Variants in STK24 observed in about 807,000 individuals in gnomAD.
STK24 encodes the protein serine/threonine-protein kinase 24.
A neutral mutation model predicts 55.6 loss-of-function variants in STK24; 21 were observed. The observed-to-expected ratio is 0.38, with a 90% CI of 0.27 to 0.54. STK24 has a LOEUF of 0.54. Ranked by LOEUF, STK24 falls within the 20% of genes least tolerant of loss-of-function variation. The pLI is 0.79. For synonymous variants in STK24, 200 were observed against 215.2 expected, an observed-to-expected ratio of 0.93 and a Z score of 0.62; for missense variants, 383 against 538.4, an observed-to-expected ratio of 0.71 and a Z score of 2.86.
At position 98,445,418 on chromosome 13, in the gene STK24, C is replaced by G. The variant is rs548712696; in HGVS notation, c.*7755G>C. 1 of 152,198 alleles carries G rather than the reference C, an allele frequency of 6.6e-6. No homozygotes were observed. Among genetic ancestry groups the G allele is most frequent in the East Asian group, 1.9e-4 (1 of 5,190 alleles). 9.4% of individuals were successfully genotyped at this position (152,198 alleles called of 1,614,324 possible). A position where few individuals can be genotyped will look rare whatever the true frequency, so the allele number is the denominator to read the frequency against. ...TGGACACAGGTGCCTGTCCCTGCCC[C>G]CTAGCTGGGCTGCAGCGCATCCTAA... On this transcript the variant is annotated 3_prime_UTR_variant, in exon 11 of 11. Coordinates refer to ENST00000539966, the MANE Select transcript of STK24 (RefSeq NM_001032296.4).
At position 98,446,171 on chromosome 13, in the gene STK24, C is replaced by T. The variant is rs951847519; in HGVS notation, c.*7002G>A. On this transcript the variant is annotated 3_prime_UTR_variant, in exon 11 of 11. Coordinates refer to ENST00000539966, the MANE Select transcript of STK24 (RefSeq NM_001032296.4). ...TGGCAGAAGCTGTGGGTGGTGTTCA[C>T]AAACTTCTGCCTGTTCTTCTACAAA... The T allele has an allele frequency of 1.9e-6, 3 of 1,613,740 alleles. No homozygotes were observed. Among genetic ancestry groups the T allele is most frequent in the African/African-American group, 1.3e-5 (1 of 75,066 alleles).
In STK24 at chr13:98,445,782, T is replaced by A; in HGVS notation, c.*7391A>T. On this transcript the variant is annotated 3_prime_UTR_variant, in exon 11 of 11. Transcript: ENST00000539966. ...CACCCTACCCCAGTGTGATCTCGTC[T>A]TCACTAGTTACCCTGCAACGAGCCT... The A allele has an allele frequency of 4.3e-6, 1 of 230,268 alleles. No homozygotes were observed. Among genetic ancestry groups the A allele is most frequent in the African/African-American group, 2.3e-5 (1 of 43,572 alleles). The allele number at this position is 230,268 out of a possible 1,614,324, so 14.3% of individuals were successfully genotyped here.
intron 2 of STK24, among the ~76,000 whole-genome samples, chr13:98,516,925 T>TA (rs1312136842): frequency 6.6e-6 from 1 of 152,190 alleles, no homozygotes; most frequent in Non-Finnish European, 1.5e-5. Context: ...GTTCTAGCAT[T>TA]AGCAGCTCAG....
intron 3 of STK24, among the ~76,000 whole-genome samples, chr13:98,481,709 G>T (rs1894588172): frequency 6.6e-6 from 1 of 151,902 alleles, no homozygotes; most frequent in Non-Finnish European, 1.5e-5. Flanking sequence ...TTCCTTCTAT[G>T]AATACATTTA....
chr13:98,547,444 A>AG (rs1216134068), intron 1 of STK24, among the ~76,000 whole-genome samples: 2 of 152,128 alleles, frequency 1.3e-5, no homozygotes, highest in Admixed American at 6.5e-5. Flanking sequence ...GCTACTCGGG[A>AG]GGCTGTGGCG....
rs1447260255 is a variant in STK24, at chr13:98,448,367, CCTTT to C, written c.*4802_*4805del. The stretch of plus-strand genomic sequence containing the variant: ...GTGGCTGCTTTCCTGGAAGACGTTT[CCTTT>C]CTTCTGTATTAATGAAGCCTGGTAA... On this transcript the variant is annotated 3_prime_UTR_variant, in exon 11 of 11. Transcript: ENST00000539966. The C allele has an allele frequency of 7.1e-7, 1 of 1,398,868 alleles. No individual in the cohort carries two copies. The allele number at this position is 1,398,868 out of a possible 1,614,324, so 86.7% of individuals were successfully genotyped here.
chr13:98,447,451 A>G lies in STK24; in HGVS notation c.*5722T>C, dbSNP rs1228712402. The stretch of plus-strand genomic sequence containing the variant: ...GGTTGATCAAAGTTGGGATTTTGCT[A>G]TTATTGTGACAAAGGGTCCAGCCTT... On this transcript the variant is annotated 3_prime_UTR_variant, in exon 11 of 11. Coordinates refer to ENST00000539966, the MANE Select transcript of STK24 (RefSeq NM_001032296.4). 1 of 152,496 alleles carries G rather than the reference A, an allele frequency of 6.6e-6. No individual in the cohort carries two copies. Among genetic ancestry groups the G allele is most frequent in the African/African-American group, 2.4e-5 (1 of 41,442 alleles). 9.4% of individuals were successfully genotyped at this position (152,496 alleles called of 1,614,324 possible).
chr13:98,501,796 C>A (rs1895473998), intron 2 of STK24, among the ~76,000 whole-genome samples: 1 of 152,198 alleles, frequency 6.6e-6, no homozygotes, highest in African/African-American at 2.4e-5. Flanking sequence ...GCTCCCCTAG[C>A]CCTGTCTGCT....
At chr13:98,575,756 C>A (rs1164077208) in intron 1 of STK24, among the ~76,000 whole-genome samples, 9 of 152,168 alleles carry the variant, frequency 5.9e-5, no homozygotes, top group Non-Finnish European at 1.0e-4. Context: ...AGCAAACTTT[C>A]ATGACATATC....
chr13:98,575,198 C>T (rs1354467741), intron 1 of STK24, among the ~76,000 whole-genome samples: 1 of 152,046 alleles, frequency 6.6e-6, no homozygotes, highest in Non-Finnish European at 1.5e-5. Context: ...TACCAAGAAA[C>T]CACATCTGAT....
intron 2 of STK24, among the ~76,000 whole-genome samples, chr13:98,511,373 G>A (rs1035153106): frequency 2.0e-5 from 3 of 152,098 alleles, no homozygotes; most frequent in African/African-American, 7.2e-5. Flanking sequence ...ATGCTGGTGG[G>A]GATGCAAAAT....
At chr13:98,563,640 C>T (rs1263631935) in intron 1 of STK24, among the ~76,000 whole-genome samples, 4 of 152,002 alleles carry the variant, frequency 2.6e-5, no homozygotes, top group African/African-American at 7.3e-5. Context: ...GGGCGGATCA[C>T]GAGGTCAGGA....
chr13:98,467,241 C>T (rs1471709425), intron 5 of STK24, among the ~76,000 whole-genome samples: 3 of 152,212 alleles, frequency 2.0e-5, no homozygotes, highest in Non-Finnish European at 4.4e-5. Flanking sequence ...TTTTGCCATA[C>T]GAGCTTTGTC....
At chr13:98,492,076 C>CGTGTGTGT (rs56956881) in intron 2 of STK24, among the ~76,000 whole-genome samples, 395 of 149,634 alleles carry the variant, frequency 2.6e-3, no homozygotes, top group African/African-American at 6.1e-3. Flanking sequence ...AGTGCGTGCG[C>CGTGTGTGT]GTGTGTGTGT....
Position 98,522,924 on chromosome 13 carries a change from AG to A in STK24, c.43-3452del, listed in dbSNP as rs987940413. Among the ~76,000 whole-genome samples the A allele has an allele frequency of 2.0e-4, 30 of 152,166 alleles. 1 individual carries two copies. The highest frequency in any genetic ancestry group is 4.1e-4 in the Non-Finnish European group (28 of 68,024). On this transcript the variant is annotated intron_variant, in intron 1 of 10. Transcript: ENST00000539966. ...AGCCCTTCCTGCTGACAAGGGCGAG[AG>A]GGGTGCTAACAGCCTGCCTTCCTGA...
At chr13:98,523,474 G>A (rs1566384791) in intron 1 of STK24, among the ~76,000 whole-genome samples, 1 of 152,192 alleles carries the variant, frequency 6.6e-6, no homozygotes. Context: ...CCTGGCCCTT[G>A]AACCTGGGCT....
intron 2 of STK24, among the ~76,000 whole-genome samples, chr13:98,495,366 C>T (rs533890029): frequency 2.2e-4 from 34 of 152,274 alleles, no homozygotes; most frequent in Middle Eastern, 3.4e-3. Flanking sequence ...GAAAAGAAAG[C>T]ATATGGCATA....
At chr13:98,576,645 C>A in intron 1 of STK24, 100 bp downstream of exon 1, 1 of 1,090,052 alleles carries the variant, frequency 9.2e-7, no homozygotes, top group Non-Finnish European at 1.2e-6. Context: ...TCCGGCGCGA[C>A]CCCGGCCGGC....
In STK24 at chr13:98,457,119, C is replaced by G. The variant is rs200003886; in HGVS notation, c.1259+49G>C. On this transcript the variant is annotated intron_variant, in intron 10 of 10. Coordinates refer to ENST00000539966, the MANE Select transcript of STK24 (RefSeq NM_001032296.4). ...CAAACTCATCAACTAAGTCCCAGCC[C>G]AAGTGCAGGTCTCTCCTTCCCCAGC... is the stretch of plus-strand genomic sequence containing the variant. 47 of 1,589,334 alleles carry G rather than the reference C, an allele frequency of 3.0e-5. No homozygotes were observed. The East Asian group carries it at 1.0e-3, about 35-fold the overall frequency.
Sources: gnomAD v4.1 joint callset for allele counts (sites outside exome capture counted in the v4.1 genomes callset) on GRCh38, gnomAD v4.1.1 for gene constraint, MANE v1.5 for transcripts, NCBI Gene and HGNC (gene_info 2026-07-23, HGNC 2026-07-21) for gene names.